Variants in CCDC30 observed in about 807,000 individuals in gnomAD.
CCDC30 encodes the protein coiled-coil domain containing 30.
CCDC30 carries 70 observed loss-of-function variants against 100.2 expected under a neutral mutation model. The ratio of observed to expected loss-of-function variants is 0.70; its 90% CI spans 0.58 to 0.85. The LOEUF (loss-of-function observed/expected upper bound fraction) is 0.85. Among genes scored for constraint, CCDC30 ranks in the 40% least tolerant of loss-of-function variants. CCDC30 has a pLI of 0.00. For missense variants in CCDC30, 652 were observed against 771.2 expected, an observed-to-expected ratio of 0.85 and a Z score of 1.83; for synonymous variants, 233 against 269.5, an observed-to-expected ratio of 0.86 and a Z score of 1.33.
intron 1 of CCDC30, among the ~76,000 whole-genome samples, chr1:42,472,646 C>CTT (rs1210844030): frequency 6.9e-6 from 1 of 145,598 alleles, no homozygotes; most frequent in African/African-American, 2.5e-5. Context: ...GACAGAAAAG[C>CTT]TTTTTTTTTT....
rs375647149 is a variant in CCDC30, at chr1:42,464,967, CT to C, written c.-92+1073del. Among the ~76,000 whole-genome samples the C allele has an allele frequency of 8.3e-3, 1,261 of 152,296 alleles. 14 individuals carry two copies. Among genetic ancestry groups the C allele is most frequent in the Non-Finnish European group, 0.012 (836 of 68,032 alleles). Reference sequence around the variant, plus strand: ...GGAAAACAAAAACAAGTTCTGCAGCCTTTTCAATCTTGCACATTAAATTGGA... The same window carrying C: ...GGAAAACAAAAACAAGTTCTGCAGCCTTTCAATCTTGCACATTAAATTGGA... On this transcript the variant is annotated intron_variant, in intron 1 of 16. Transcript: ENST00000668663.
At chr1:42,475,557 A>G (rs192796456) in intron 1 of CCDC30, among the ~76,000 whole-genome samples, 133 of 152,328 alleles carry the variant, frequency 8.7e-4, no homozygotes, top group African/African-American at 3.1e-3. Context: ...ATATGACATT[A>G]TAGAAAATTT....
At chr1:42,639,966 CA>C (rs71065187) in intron 12 of CCDC30, among the ~76,000 whole-genome samples, 73,206 of 121,010 alleles carry the variant, frequency 0.6, 18,924 homozygotes, top group East Asian at 0.68. Context: ...AACTTCGTCT[CA>C]AAAAAAAAAA....
chr1:42,518,081 A>G (rs1469178318), intron 6 of CCDC30, among the ~76,000 whole-genome samples: 1 of 152,204 alleles, frequency 6.6e-6, no homozygotes, highest in Non-Finnish European at 1.5e-5. Flanking sequence ...CATTGTAACA[A>G]TAGTTTTCCA....
chr1:42,577,078 C>T (rs774916473), exon 8 of CCDC30: 81 of 1,613,960 alleles, frequency 5.0e-5, no homozygotes, highest in Non-Finnish European at 6.4e-5. Flanking sequence ...AAGATGTGCT[C>T]TTCACTCACG....
chr1:42,617,640 T>A (rs1646751103), intron 11 of CCDC30, among the ~76,000 whole-genome samples: 2 of 152,128 alleles, frequency 1.3e-5, no homozygotes. Context: ...ATTGATCAGG[T>A]CGAAGACTAA....
At chr1:42,456,903 C>G in the CCDC30 span, 2 of 1,611,890 alleles carry the variant, frequency 1.2e-6, no homozygotes, top group Non-Finnish European at 8.5e-7. Context: ...CCAGCCCTTT[C>G]GGGCTTGCTG....
intron 6 of CCDC30, among the ~76,000 whole-genome samples, chr1:42,540,520 A>G (rs938250258): frequency 2.6e-5 from 4 of 152,096 alleles, no homozygotes; most frequent in African/African-American, 9.7e-5. Flanking sequence ...TTTTTCTTAA[A>G]CTTTTTATGT....
chr1:42,581,190 C>A (rs994239833), intron 8 of CCDC30, among the ~76,000 whole-genome samples, 170 bp from the exon 13 acceptor site: 3 of 152,148 alleles, frequency 2.0e-5, no homozygotes, highest in African/African-American at 7.2e-5. Flanking sequence ...GCATTACATA[C>A]TGCAAAAATT....
rs527510563 is a variant in CCDC30 at position 42,477,298 on chromosome 1, C to T, written c.-91-3163C>T. Among the ~76,000 whole-genome samples, 9 of 151,602 alleles carry T rather than the reference C, an allele frequency of 5.9e-5. No homozygotes were observed. The East Asian group carries it at 1.6e-3, about 26-fold the overall frequency. On this transcript the variant is annotated intron_variant, in intron 1 of 16. Coordinates refer to ENST00000668663, the Ensembl canonical transcript of CCDC30. ...AGGCTGGAGTGCAGTGGTGTGATCT[C>T]GGCTCACTGCAACCTCTGCCTCCCG...
intron 6 of CCDC30, among the ~76,000 whole-genome samples, chr1:42,520,242 A>G (rs1349849024): frequency 6.7e-6 from 1 of 149,862 alleles, no homozygotes; most frequent in Non-Finnish European, 1.5e-5. Context: ...AGCAGTTACA[A>G]ATTTCCCGCC....
At chr1:42,602,521 C>T (rs186222828) in intron 10 of CCDC30, among the ~76,000 whole-genome samples, 2 of 152,262 alleles carry the variant, frequency 1.3e-5, no homozygotes, top group African/African-American at 4.8e-5. Flanking sequence ...TTATGAACAA[C>T]TTTATGCCCA....
chr1:42,642,683 A>G (rs1647557963), intron 13 of CCDC30, 74 bp downstream of exon 17: 3 of 1,336,786 alleles, frequency 2.2e-6, no homozygotes, highest in Non-Finnish European at 2.9e-6. Flanking sequence ...AGATGGTTCT[A>G]GAGACTGTCC....
At chr1:42,536,227 CT>C (rs1644901843) in intron 6 of CCDC30, among the ~76,000 whole-genome samples, 1 of 151,998 alleles carries the variant, frequency 6.6e-6, no homozygotes, top group South Asian at 2.1e-4. Flanking sequence ...TTATAAAATA[CT>C]TTCAAAATCA....
intron 6 of CCDC30, chr1:42,529,847 T>G (rs1035662388): frequency 1.3e-5 from 2 of 152,230 alleles, no homozygotes; most frequent in Non-Finnish European, 2.9e-5. Flanking sequence ...AGTTCCCTCT[T>G]ATTTTCAGTT....
At position 42,580,016 on chromosome 1, in the gene CCDC30, T is replaced by C. The variant is rs187561016; in HGVS notation, c.847-1344T>C. On this transcript the variant is annotated intron_variant, in intron 8 of 16. Transcript: ENST00000668663. ...CACAAAATTCAGGATATTGGTTTTCTCTGGTGGAGAGGGATGAGGGATAAT... is the reference window on the plus strand; with the variant it reads ...CACAAAATTCAGGATATTGGTTTTCCCTGGTGGAGAGGGATGAGGGATAAT... Among the ~76,000 whole-genome samples the C allele has an allele frequency of 2.9e-4, 44 of 152,160 alleles. No individual in the cohort carries two copies. In the East Asian group the frequency reaches 8.5e-3, roughly 29 times the overall value.
At chr1:42,621,295 A>G (rs1173798235) in intron 11 of CCDC30, among the ~76,000 whole-genome samples, 1 of 151,976 alleles carries the variant, frequency 6.6e-6, no homozygotes, top group Non-Finnish European at 1.5e-5. Context: ...TAATATGATT[A>G]TACTTTTTTG....
At chr1:42,539,040 A>C (rs1644962408) in intron 6 of CCDC30, 133 bp from the exon 8 acceptor site, 2 of 578,042 alleles carry the variant, frequency 3.5e-6, no homozygotes, top group South Asian at 5.0e-5. Context: ...GGTCTGCCAG[A>C]AGGATAGGTT....
intron 10 of CCDC30, among the ~76,000 whole-genome samples, chr1:42,604,383 A>G (rs1414037557): frequency 6.6e-6 from 1 of 152,242 alleles, no homozygotes; most frequent in African/African-American, 2.4e-5. Context: ...CTTTTCTTCC[A>G]TCAATAGCCC....
Sources: gnomAD v4.1 joint callset for allele counts (sites outside exome capture counted in the v4.1 genomes callset) on GRCh38, gnomAD v4.1.1 for gene constraint, MANE v1.5 for transcripts, NCBI Gene and HGNC (gene_info 2026-07-23, HGNC 2026-07-21) for gene names.